The following SLC14A2 variants were observed in gnomAD, a reference collection of about 807,000 sequenced individuals.
The protein encoded by SLC14A2 is urea transporter 2.
A neutral mutation model predicts 104.6 loss-of-function variants in SLC14A2; 91 were observed. That is an observed-to-expected ratio of 0.87 (90% CI 0.73 to 1.04). The LOEUF (loss-of-function observed/expected upper bound fraction) is 1.04. Among genes scored for constraint, SLC14A2 ranks in the 50% least tolerant of loss-of-function variants. The pLI is 0.00. For missense variants in SLC14A2, 1,189 were observed against 1,156.0 expected, an observed-to-expected ratio of 1.03 and a Z score of -0.41; for synonymous variants, 476 against 466.4, an observed-to-expected ratio of 1.02 and a Z score of -0.27.
intron 4 of SLC14A2, among the ~76,000 whole-genome samples, chr18:45,627,406 C>T (rs1226713033): frequency 6.6e-6 from 1 of 152,198 alleles, no homozygotes; most frequent in African/African-American, 2.4e-5. Context: ...CTAAGCTGTT[C>T]TTCCCTCACA....
intron 2 of SLC14A2, among the ~76,000 whole-genome samples, chr18:45,578,946 G>T (rs2044452259): frequency 1.3e-5 from 2 of 152,188 alleles, no homozygotes; most frequent in South Asian, 4.1e-4. Flanking sequence ...CTACCAGTTG[G>T]CTTTGCTCAG....
At chr18:45,580,108 G>A (rs890663019) in intron 2 of SLC14A2, among the ~76,000 whole-genome samples, 3 of 152,298 alleles carry the variant, frequency 2.0e-5, no homozygotes, top group South Asian at 2.1e-4. Flanking sequence ...GCAAAGCCAC[G>A]AGATCAGACT....
chr18:45,481,671 G>A (rs2087495768), intron 1 of SLC14A2, among the ~76,000 whole-genome samples: 1 of 151,966 alleles, frequency 6.6e-6, no homozygotes, highest in Non-Finnish European at 1.5e-5. Flanking sequence ...ACAATCCTTT[G>A]TGCAACTGAA....
At chr18:45,235,979 GTATATATGTGTATATATACATA>G (rs2084231085) in intron 1 of SLC14A2, among the ~76,000 whole-genome samples, 1 of 72,852 alleles carries the variant, frequency 1.4e-5, no homozygotes, top group African/African-American at 8.1e-5. Context: ...ATATATGTGT[GTATATATGTGTATATATACATA>G]TATGTGTGTA....
At chr18:45,380,511 T>C (rs1568174727) in intron 1 of SLC14A2, among the ~76,000 whole-genome samples, 1 of 152,196 alleles carries the variant, frequency 6.6e-6, no homozygotes, top group Non-Finnish European at 1.5e-5. Context: ...AGTCTATGAT[T>C]GGCAATCTCA....
intron 2 of SLC14A2, among the ~76,000 whole-genome samples, chr18:45,489,001 G>A (rs1278705078): frequency 6.6e-6 from 1 of 152,152 alleles, no homozygotes. Context: ...TTTTGAAAAA[G>A]ATTTCCTGCA....
intron 1 of SLC14A2, among the ~76,000 whole-genome samples, chr18:45,355,771 ACTCAT>A (rs1226132585): frequency 2.0e-5 from 3 of 151,908 alleles, no homozygotes; most frequent in Non-Finnish European, 2.9e-5. Flanking sequence ...GAATGCACCC[ACTCAT>A]CTCAGAACAC....
At chr18:45,551,582 G>A (rs1043100733) in intron 2 of SLC14A2, among the ~76,000 whole-genome samples, 2 of 152,204 alleles carry the variant, frequency 1.3e-5, no homozygotes, top group Non-Finnish European at 2.9e-5. Flanking sequence ...GGAGAAAGGG[G>A]AAGTGAGATG....
At chr18:45,655,307 C>T (rs536484211) in intron 10 of SLC14A2, among the ~76,000 whole-genome samples, 2 of 152,310 alleles carry the variant, frequency 1.3e-5, no homozygotes, top group East Asian at 3.9e-4. Flanking sequence ...GTGATATCCT[C>T]CAAAACCAGC....
At chr18:45,480,566 C>T (rs890983432) in intron 1 of SLC14A2, among the ~76,000 whole-genome samples, 6 of 152,198 alleles carry the variant, frequency 3.9e-5, no homozygotes, top group Non-Finnish European at 7.3e-5. Flanking sequence ...CATCTCTGCC[C>T]ACAGCCAGGT....
chr18:45,283,933 T>G (rs1279815087), intron 1 of SLC14A2, among the ~76,000 whole-genome samples: 1 of 152,198 alleles, frequency 6.6e-6, no homozygotes, highest in South Asian at 2.1e-4. Context: ...GTAAAACATG[T>G]ACTGGATTTG....
At chr18:45,569,781 C>T (rs2144332035) in intron 2 of SLC14A2, among the ~76,000 whole-genome samples, 1 of 152,302 alleles carries the variant, frequency 6.6e-6, no homozygotes, top group South Asian at 2.1e-4. Context: ...GTGGGAGACA[C>T]AGCCCTGGGA....
chr18:45,320,323 C>G (rs545568848), intron 1 of SLC14A2, among the ~76,000 whole-genome samples: 1 of 152,218 alleles, frequency 6.6e-6, no homozygotes, highest in South Asian at 2.1e-4. Context: ...CCCTTTGACC[C>G]CTAGGCGAGA....
intron 1 of SLC14A2, among the ~76,000 whole-genome samples, chr18:45,403,913 C>A (rs199790679): frequency 6.6e-6 from 1 of 152,180 alleles, no homozygotes; most frequent in East Asian, 1.9e-4. Flanking sequence ...TTCAACCCTT[C>A]CAGCACCTCC....
At chr18:45,201,173 T>A in the SLC14A2 span, among the ~76,000 whole-genome samples, 6 of 152,222 alleles carry the variant, frequency 3.9e-5, no homozygotes, top group African/African-American at 1.4e-4. Context: ...TCATTTCCTA[T>A]CAAGGATACA....
chr18:45,295,412 G>A (rs2084909648), intron 1 of SLC14A2, among the ~76,000 whole-genome samples: 1 of 151,928 alleles, frequency 6.6e-6, no homozygotes, highest in Non-Finnish European at 1.5e-5. Context: ...TGACCATGAC[G>A]AGCATTATTA....
chr18:45,400,238 A>G (rs2542963), intron 1 of SLC14A2, among the ~76,000 whole-genome samples: 124,665 of 152,060 alleles, frequency 0.82, 51,486 homozygotes, highest in South Asian at 0.94. Context: ...TAGTTGTCAC[A>G]TCTCTCTGAT....
rs949865768 is a variant in SLC14A2, at chr18:45,386,081, G to A, written c.-124-97152G>A. On this transcript the variant is annotated intron_variant, in intron 1 of 20. Transcript: ENST00000586448. The stretch of plus-strand genomic sequence containing the variant: ...TTCAGAGACGAGGGCTATGTTTGAC[G>A]AACAAGGATGATTCAAATCAGCAGA... Among the ~76,000 whole-genome samples, 6 of 152,104 alleles carry A rather than the reference G, an allele frequency of 3.9e-5. No homozygotes were observed. The South Asian group carries it at 6.2e-4, about 16-fold the overall frequency.
chr18:45,654,982 C>T (rs956968293), intron 10 of SLC14A2, among the ~76,000 whole-genome samples: 6 of 152,200 alleles, frequency 3.9e-5, no homozygotes, highest in East Asian at 1.9e-4. Context: ...CTTCTGCCCA[C>T]GATTCATTAC....
Sources: allele counts gnomAD v4.1 joint callset (sites outside exome capture counted in the v4.1 genomes callset), GRCh38; gene constraint gnomAD v4.1.1; transcripts MANE v1.5; gene names NCBI Gene and HGNC (gene_info 2026-07-23, HGNC 2026-07-21).